The following GALNTL6 variants were observed in gnomAD, a reference collection of about 807,000 sequenced individuals.
The protein encoded by GALNTL6 is polypeptide N-acetylgalactosaminyltransferase-like 6.
Under a neutral mutation model 73.7 loss-of-function variants are expected in GALNTL6, and 46 were observed. That is an observed-to-expected ratio of 0.62 (90% confidence interval 0.49 to 0.80). GALNTL6 has a LOEUF of 0.80. GALNTL6 is among the 30% of genes least tolerant of loss of function. The pLI, the probability that GALNTL6 is intolerant of heterozygous loss-of-function variation, is 0.00. For synonymous variants in GALNTL6, 259 were observed against 263.7 expected, an observed-to-expected ratio of 0.98 and a Z score of 0.17; for missense variants, 604 against 755.0, an observed-to-expected ratio of 0.80 and a Z score of 2.34.
In GALNTL6 at chr4:173,031,037, A is replaced by C. The variant is rs552992460; in HGVS notation, c.1639-8896A>C. Among the ~76,000 whole-genome samples, 7 of 151,446 alleles carry C rather than the reference A, an allele frequency of 4.6e-5. No individual in the cohort carries two copies. In the East Asian group the frequency reaches 1.4e-3, roughly 29 times the overall value. On this transcript the variant is annotated intron_variant, in intron 12 of 12. Coordinates refer to ENST00000506823, the MANE Select transcript of GALNTL6 (RefSeq NM_001034845.3). ...AAAAGAGAGAGAGAGAGAGAGAGAGAGCACAGGCTCTGGCTCCTGCAGGGC... is the reference window on the plus strand; with the variant it reads ...AAAAGAGAGAGAGAGAGAGAGAGAGCGCACAGGCTCTGGCTCCTGCAGGGC...
chr4:172,341,245 A>T (rs1055701977), intron 4 of GALNTL6, among the ~76,000 whole-genome samples: 9 of 151,630 alleles, frequency 5.9e-5, no homozygotes, highest in African/African-American at 1.9e-4. Context: ...AGGTCAGGAG[A>T]TCGAGACCAT....
intron 5 of GALNTL6, among the ~76,000 whole-genome samples, chr4:172,611,572 A>G (rs2111049998): frequency 6.6e-6 from 1 of 152,064 alleles, no homozygotes; most frequent in African/African-American, 2.4e-5. Flanking sequence ...TTTGTAGGTA[A>G]TCTGCCTCTT....
intron 5 of GALNTL6, among the ~76,000 whole-genome samples, chr4:172,470,185 A>C (rs1732994813): frequency 6.6e-6 from 1 of 152,188 alleles, no homozygotes; most frequent in Non-Finnish European, 1.5e-5. Flanking sequence ...TGTATGGTCT[A>C]TTTGATTTAA....
intron 3 of GALNTL6, among the ~76,000 whole-genome samples, chr4:172,283,713 A>G (rs1387807392): frequency 3.3e-5 from 5 of 152,166 alleles, no homozygotes; most frequent in Non-Finnish European, 7.4e-5. Context: ...ATATAATGCC[A>G]TATTTCTAAT....
At chr4:172,429,254 C>T (rs1264359212) in intron 5 of GALNTL6, among the ~76,000 whole-genome samples, 2 of 141,012 alleles carry the variant, frequency 1.4e-5, no homozygotes, top group Non-Finnish European at 1.5e-5. Flanking sequence ...CACTGTCTCC[C>T]AGGCTGGTGT....
intron 3 of GALNTL6, among the ~76,000 whole-genome samples, chr4:172,307,983 G>A (rs1029864773): frequency 7.1e-5 from 9 of 126,766 alleles, no homozygotes; most frequent in African/African-American, 2.3e-4. Context: ...ACCCATCCAT[G>A]AGCATGGGAT....
At chr4:172,268,054 C>A (rs1214501095) in intron 3 of GALNTL6, among the ~76,000 whole-genome samples, 1 of 152,108 alleles carries the variant, frequency 6.6e-6, no homozygotes. Context: ...CTAGCAGAAT[C>A]CAAATATCTG....
At chr4:172,121,792 C>T (rs1029104856) in intron 2 of GALNTL6, among the ~76,000 whole-genome samples, 1 of 151,750 alleles carries the variant, frequency 6.6e-6, no homozygotes, top group Non-Finnish European at 1.5e-5. Context: ...GGTTGTACCT[C>T]TGGAAAAAAT....
At chr4:171,999,374 G>C (rs1459868517) in intron 2 of GALNTL6, among the ~76,000 whole-genome samples, 1 of 152,114 alleles carries the variant, frequency 6.6e-6, no homozygotes, top group Non-Finnish European at 1.5e-5. Context: ...ATGGCAAATG[G>C]TTTTCTGTAA....
intron 2 of GALNTL6, among the ~76,000 whole-genome samples, chr4:172,061,610 T>C (rs1341442678): frequency 6.6e-6 from 1 of 152,194 alleles, no homozygotes; most frequent in African/African-American, 2.4e-5. Flanking sequence ...CTTGTATTAT[T>C]TATTTCATTT....
chr4:172,950,865 G>C (rs182794550), intron 9 of GALNTL6, among the ~76,000 whole-genome samples: 1 of 152,290 alleles, frequency 6.6e-6, no homozygotes, highest in East Asian at 1.9e-4. Flanking sequence ...CTTGAAAGAA[G>C]AATTTGAACA....
chr4:172,075,771 CAGAG>C (rs150769265), intron 2 of GALNTL6, among the ~76,000 whole-genome samples: 4 of 149,368 alleles, frequency 2.7e-5, no homozygotes, highest in African/African-American at 7.4e-5. Flanking sequence ...GGGACAAAGA[CAGAG>C]AGAGAGAGAG....
At chr4:172,337,405 T>C (rs1741375289) in intron 4 of GALNTL6, among the ~76,000 whole-genome samples, 1 of 152,214 alleles carries the variant, frequency 6.6e-6, no homozygotes, top group South Asian at 2.1e-4. Context: ...TGTGTGTTTG[T>C]GGTAGCAGGT....
intron 2 of GALNTL6, among the ~76,000 whole-genome samples, chr4:172,158,855 T>C (rs1251967665): frequency 3.3e-5 from 5 of 152,148 alleles, no homozygotes; most frequent in Non-Finnish European, 7.4e-5. Flanking sequence ...GAATTTAGCT[T>C]TATATGCTAT....
At chr4:172,804,911 T>C (rs760184195) in intron 5 of GALNTL6, among the ~76,000 whole-genome samples, 1 of 152,194 alleles carries the variant, frequency 6.6e-6, no homozygotes, top group Non-Finnish European at 1.5e-5. Flanking sequence ...CATATTCACT[T>C]TATTTTGATT....
chr4:172,311,602 T>C lies in GALNTL6; in HGVS notation c.248-12T>C. ...ATAGAGATGATAATCTCATTTTGTT[T>C]TCTCCTGCTAGGGAAAGGTGAACAT... On this transcript the variant is annotated splice_polypyrimidine_tract_variant and intron_variant, in intron 3 of 12. Coordinates refer to ENST00000506823, the MANE Select transcript of GALNTL6 (RefSeq NM_001034845.3). 3.1e-6 allele frequency: 5 copies of C among 1,590,628 alleles called. No individual in the cohort carries two copies. Among genetic ancestry groups the C allele is most frequent in the Non-Finnish European group, 2.6e-6 (3 of 1,168,456 alleles).
intron 8 of GALNTL6, among the ~76,000 whole-genome samples, chr4:172,917,787 T>G (rs1338196579): frequency 6.6e-6 from 1 of 152,190 alleles, no homozygotes; most frequent in Non-Finnish European, 1.5e-5. Context: ...AGGAACGCTT[T>G]TACACTGTTG....
chr4:172,199,771 G>A (rs1735896917), intron 2 of GALNTL6, among the ~76,000 whole-genome samples: 1 of 151,956 alleles, frequency 6.6e-6, no homozygotes, highest in African/African-American at 2.4e-5. Context: ...TTGTTTGTTT[G>A]CTTGCTTGCT....
intron 2 of GALNTL6, among the ~76,000 whole-genome samples, chr4:172,116,645 T>TA (rs1732992470): frequency 2.0e-5 from 3 of 152,178 alleles, no homozygotes; most frequent in South Asian, 4.1e-4. Flanking sequence ...AGAAATGAAG[T>TA]AAAAAACAAG....
Sources: allele counts gnomAD v4.1 joint callset (sites outside exome capture counted in the v4.1 genomes callset), GRCh38; gene constraint gnomAD v4.1.1; transcripts MANE v1.5; gene names NCBI Gene and HGNC (gene_info 2026-07-23, HGNC 2026-07-21).